Variants in HEBP2 observed in about 807,000 individuals in gnomAD.
HEBP2 encodes the protein heme binding protein 2, also known as heme-binding protein 2.
A neutral mutation model predicts 23.1 loss-of-function variants in HEBP2; 27 were observed. That is an observed-to-expected ratio of 1.17 (90% CI 0.86 to 1.61). The LOEUF (loss-of-function observed/expected upper bound fraction) is 1.61. Among genes scored for constraint, HEBP2 ranks in the 40% most tolerant of loss-of-function variants. The probability of loss-of-function intolerance (pLI) is 0.00; values close to 1 mark genes in which losing one functional copy is unlikely to be tolerated. For synonymous variants in HEBP2, 99 were observed against 95.1 expected (o/e 1.04, Z -0.24); for missense variants, 245 against 253.8 (o/e 0.97, Z 0.24).
intron 3 of HEBP2, among the ~76,000 whole-genome samples, chr6:138,407,832 C>T (rs1011422483): frequency 1.3e-5 from 2 of 152,202 alleles, no homozygotes; most frequent in African/African-American, 4.8e-5. Flanking sequence ...CTGTGCCTTC[C>T]GGAGGGACAG....
At position 138,410,113 on chromosome 6, in the gene HEBP2, C is replaced by G. The variant is rs182264568; in HGVS notation, c.420-2767C>G. ...CAATTTCTCCACCTAGCTAGGTACT[C>G]TGTCCTGGGGCCCTTCTATTCTTCT... On this transcript the variant is annotated intron_variant, in intron 3 of 3. Transcript: ENST00000607197. Among the ~76,000 whole-genome samples the G allele has an allele frequency of 1.7e-3, 258 of 152,312 alleles. 1 individual carries two copies. Among genetic ancestry groups the G allele is most frequent in the Admixed American group, 2.9e-3 (45 of 15,298 alleles).
chr6:138,417,377 C>G lies in HEBP2; in HGVS notation c.*4299C>G, dbSNP rs376494995. The stretch of plus-strand genomic sequence containing the variant: ...CTTGAACAGTATTTTTTAAGCACCT[C>G]GGGTGAACATCTGCTTCTGGCCATG... On this transcript the variant is annotated 3_prime_UTR_variant, in exon 4 of 4. Transcript: ENST00000607197. 1 of 152,266 alleles carries G rather than the reference C, an allele frequency of 6.6e-6. No homozygotes were observed. Among genetic ancestry groups the G allele is most frequent in the African/African-American group, 2.4e-5 (1 of 41,558 alleles). The allele number at this position is 152,266 out of a possible 1,614,324, so 9.4% of individuals were successfully genotyped here.
Position 138,404,574 on chromosome 6 carries a change from GC to G in HEBP2, c.83del (p.Pro28ArgfsTer42). 3 of 1,304,244 alleles carry G rather than the reference GC, an allele frequency of 2.3e-6. No homozygotes were observed. The highest frequency in any genetic ancestry group is 2.2e-5 in the South Asian group (1 of 46,098). The allele number at this position is 1,304,244 out of a possible 1,614,324, so 80.8% of individuals were successfully genotyped here. ...AQAVETPGWK[A>X]PEDAGPQPGS... ...AGCTGTGGAGACGCCGGGCTGGAAG[GC>G]CCCGGAGGACGCCGGCCCCCAGGTA... On this transcript the variant is annotated frameshift_variant, in exon 1 of 4. Coordinates refer to ENST00000607197, the MANE Select transcript of HEBP2 (RefSeq NM_014320.3). LOFTEE classifies it high-confidence loss of function.
chr6:138,417,675 G>A lies in HEBP2; in HGVS notation c.*4597G>A, dbSNP rs1485188140. Reference sequence around the variant, plus strand: ...TCAGTGTCACCGGAGGCCAAGGTGAGTAAGTGAGAGGAGAGGAGGCAGCAG... The same window carrying A: ...TCAGTGTCACCGGAGGCCAAGGTGAATAAGTGAGAGGAGAGGAGGCAGCAG... On this transcript the variant is annotated 3_prime_UTR_variant, in exon 4 of 4. Transcript: ENST00000607197. The A allele has an allele frequency of 6.6e-6, 1 of 152,596 alleles. No homozygotes were observed. Among genetic ancestry groups the A allele is most frequent in the African/African-American group, 2.4e-5 (1 of 41,448 alleles). The allele number at this position is 152,596 out of a possible 1,614,324, so 9.5% of individuals were successfully genotyped here.
upstream of HEBP2, among the ~76,000 whole-genome samples, chr6:138,404,011 C>T (rs1774583159): frequency 6.6e-6 from 1 of 152,152 alleles, no homozygotes; most frequent in East Asian, 1.9e-4. Context: ...CTTTCTCTGC[C>T]TGCGGTGCGC....
intron 1 of HEBP2, among the ~76,000 whole-genome samples, chr6:138,404,807 T>G (rs2114762404): frequency 6.6e-6 from 1 of 152,220 alleles, no homozygotes; most frequent in Non-Finnish European, 1.5e-5. Context: ...TTTCTTGTCT[T>G]TGCGGGGTGG....
chr6:138,417,237 A>G lies in HEBP2; in HGVS notation c.*4159A>G, dbSNP rs369651922. 173 of 152,348 alleles carry G rather than the reference A, an allele frequency of 1.1e-3. No homozygotes were observed. Among genetic ancestry groups the G allele is most frequent in the African/African-American group, 4.0e-3 (166 of 41,576 alleles). The allele number at this position is 152,348 out of a possible 1,614,324, so 9.4% of individuals were successfully genotyped here. A position where few individuals can be genotyped will look rare whatever the true frequency, so the allele number is the denominator to read the frequency against. Reference sequence around the variant, plus strand: ...ATCCCTGAATGTATAATTGAGACTGACATCCTTGGCAGGCAGAATAACCCC... The same window carrying G: ...ATCCCTGAATGTATAATTGAGACTGGCATCCTTGGCAGGCAGAATAACCCC... On this transcript the variant is annotated 3_prime_UTR_variant, in exon 4 of 4. Transcript: ENST00000607197.
At position 138,416,756 on chromosome 6, in the gene HEBP2, CT is replaced by C. The variant is rs1387153273; in HGVS notation, c.*3679del. ...GCATTCCTAGGGACAAAAGAGCTGA[CT>C]AATCAACAAGGGTAAGGCTTTATAT... On this transcript the variant is annotated 3_prime_UTR_variant, in exon 4 of 4. Coordinates refer to ENST00000607197, the MANE Select transcript of HEBP2 (RefSeq NM_014320.3). 6.6e-6 allele frequency: 1 copy of C among 152,168 alleles called. No individual in the cohort carries two copies. Among genetic ancestry groups the C allele is most frequent in the East Asian group, 1.9e-4 (1 of 5,192 alleles). 9.4% of individuals were successfully genotyped at this position (152,168 alleles called of 1,614,324 possible).
intron 3 of HEBP2, among the ~76,000 whole-genome samples, chr6:138,408,648 T>C (rs1774690743): frequency 6.6e-6 from 1 of 152,226 alleles, no homozygotes; most frequent in Non-Finnish European, 1.5e-5. Flanking sequence ...TGGACGAATC[T>C]GTTCCCTTAA....
Position 138,413,158 on chromosome 6 carries a change from C to A in HEBP2, c.*80C>A. The A allele has an allele frequency of 9.3e-7, 1 of 1,069,768 alleles. No homozygotes were observed. Among genetic ancestry groups the A allele is most frequent in the Non-Finnish European group, 1.4e-6 (1 of 705,056 alleles). 66.3% of individuals were successfully genotyped at this position (1,069,768 alleles called of 1,614,324 possible). On this transcript the variant is annotated 3_prime_UTR_variant, in exon 4 of 4. Coordinates refer to ENST00000607197, the MANE Select transcript of HEBP2 (RefSeq NM_014320.3). ...ATCAACATGACCTATAAGTAAAGTG[C>A]GTGTCTAGTGTCTTCTATTGAGAGT... is the stretch of plus-strand genomic sequence containing the variant.
chr6:138,403,615 G>C (rs1200748643), upstream of HEBP2: 2 of 449,636 alleles, frequency 4.4e-6, no homozygotes, highest in Non-Finnish European at 7.9e-6. Context: ...CGCCGCAGGG[G>C]ACAGTAACGC....
upstream of HEBP2, chr6:138,403,620 T>G: frequency 2.3e-6 from 1 of 442,390 alleles, no homozygotes; most frequent in Non-Finnish European, 4.0e-6. Context: ...CAGGGGACAG[T>G]AACGCGGAGT....
At chr6:138,412,272 G>A (rs772229138) in intron 3 of HEBP2, 5 of 327,988 alleles carry the variant, frequency 1.5e-5, no homozygotes, top group South Asian at 6.8e-5. Context: ...CTGTATGCAC[G>A]TTAAAGGTTT....
At chr6:138,403,593 G>A (rs1282197415), upstream of HEBP2, 1 of 458,198 alleles carries the variant, frequency 2.2e-6, no homozygotes, top group Non-Finnish European at 3.9e-6. Context: ...CGCCGGAGCC[G>A]TGCCGGGTCC....
rs569457574 is a variant in HEBP2, at chr6:138,419,999, A to C, written c.*6921A>C. On this transcript the variant is annotated 3_prime_UTR_variant, in exon 4 of 4. Coordinates refer to ENST00000607197, the MANE Select transcript of HEBP2 (RefSeq NM_014320.3). ...GTAATTGACCCTGAACTGCAGGAGG[A>C]GGCAAGCCTGCTGTCAGAGGATAGT... The C allele has an allele frequency of 5.2e-5, 8 of 152,424 alleles. No individual in the cohort carries two copies. Among genetic ancestry groups the C allele is most frequent in the African/African-American group, 1.4e-4 (6 of 41,574 alleles). The allele number at this position is 152,424 out of a possible 1,614,324, so 9.4% of individuals were successfully genotyped here.
chr6:138,405,460 A>G (rs746105843), intron 2 of HEBP2, among the ~76,000 whole-genome samples, 180 bp downstream of exon 2: 4 of 152,082 alleles, frequency 2.6e-5, no homozygotes, highest in South Asian at 2.1e-4. Context: ...TTACTTTTCA[A>G]CCTCTGTTCT....
At chr6:138,407,789 C>T (rs933218654) in intron 3 of HEBP2, among the ~76,000 whole-genome samples, 1 of 152,200 alleles carries the variant, frequency 6.6e-6, no homozygotes, top group Admixed American at 6.5e-5. Context: ...TGACAGAGGT[C>T]GGCACCACAT....
Position 138,412,878 on chromosome 6 carries a change from A to T in HEBP2, c.420-2A>T, listed in dbSNP as rs1327239849. ...CACGGTTATTTCCTTTCTCCTTTGTAGGTCTTTCGATGGATTTTCTAGTGC... is the reference window on the plus strand; with the variant it reads ...CACGGTTATTTCCTTTCTCCTTTGTTGGTCTTTCGATGGATTTTCTAGTGC... On this transcript the variant is annotated splice_acceptor_variant, in intron 3 of 3. Transcript: ENST00000607197. LOFTEE classifies it high-confidence loss of function. 3 of 1,610,396 alleles carry T rather than the reference A, an allele frequency of 1.9e-6. No individual in the cohort carries two copies. Among genetic ancestry groups the T allele is most frequent in the Non-Finnish European group, 2.5e-6 (3 of 1,176,978 alleles).
intron 3 of HEBP2, among the ~76,000 whole-genome samples, chr6:138,412,420 T>C (rs1774762586): frequency 6.6e-6 from 1 of 151,930 alleles, no homozygotes; most frequent in Non-Finnish European, 1.5e-5. Flanking sequence ...CAGGCAGGAG[T>C]GGTCAGTTCA....
Sources: gnomAD v4.1 joint callset for allele counts (sites outside exome capture counted in the v4.1 genomes callset) on GRCh38, gnomAD v4.1.1 for gene constraint, MANE v1.5 for transcripts, NCBI Gene and HGNC (gene_info 2026-07-23, HGNC 2026-07-21) for gene names.